MARK2: variants seen among roughly 807,000 people sequenced by gnomAD.
The protein encoded by MARK2 is microtubule affinity regulating kinase 2.
A neutral mutation model predicts 89.8 loss-of-function variants in MARK2; 16 were observed. That is an observed-to-expected ratio of 0.18 (90% CI 0.12 to 0.27). MARK2 has a LOEUF of 0.27. MARK2 is among the 10% of genes least tolerant of loss of function. The probability of loss-of-function intolerance (pLI) is 1.00; values close to 1 mark genes in which losing one functional copy is unlikely to be tolerated. For missense variants in MARK2, 621 were observed against 1,049.9 expected (o/e 0.59, Z 5.65); for synonymous variants, 382 against 399.5 (o/e 0.96, Z 0.52).
intron 1 of MARK2, among the ~76,000 whole-genome samples, chr11:63,863,377 C>T (rs201699797): frequency 2.0e-5 from 3 of 152,030 alleles, no homozygotes; most frequent in Non-Finnish European, 2.9e-5. Flanking sequence ...TGTCTAACTT[C>T]GGCAAGGGTG....
At position 63,898,680 on chromosome 11, in the gene MARK2, G is replaced by A. The variant is rs371333972; in HGVS notation, c.403+7G>A. ...ATGGAGTACGCTAGTGGCGGTAGGT[G>A]TGGAACTGCCTCTTCCTGTTGTGCC... On this transcript the variant is annotated splice_region_variant and intron_variant, in intron 5 of 18. Transcript: ENST00000402010. 39 of 1,613,368 alleles carry A rather than the reference G, an allele frequency of 2.4e-5. No homozygotes were observed. Among genetic ancestry groups the A allele is most frequent in the South Asian group, 3.3e-5 (3 of 91,078 alleles).
chr11:63,903,273 A>G lies in MARK2; in HGVS notation c.1514+115A>G, dbSNP rs1025566155. On this transcript the variant is annotated intron_variant, in intron 14 of 18. Transcript: ENST00000402010. This position sits in a 1 kb window ranked among gnomAD's most constrained non-coding sequence, Gnocchi z 5.1. The stretch of plus-strand genomic sequence containing the variant: ...CAGCGCATTGCTCCCTGCTCCCTGG[A>G]GTTCCATCCTGGCTGTGTCCAGTCC... 214 of 801,222 alleles carry G rather than the reference A, an allele frequency of 2.7e-4. 1 individual carries two copies. The highest frequency in any genetic ancestry group is 9.9e-4 in the Admixed American group (52 of 52,464). The allele number at this position is 801,222 out of a possible 1,614,324, so 49.6% of individuals were successfully genotyped here. A position where few individuals can be genotyped will look rare whatever the true frequency, so the allele number is the denominator to read the frequency against.
chr11:63,902,530 A>G lies in MARK2; in HGVS notation c.1235-71A>G. 6.7e-7 allele frequency: 1 copy of G among 1,481,608 alleles called. No individual in the cohort carries two copies. The highest frequency in any genetic ancestry group is 9.3e-7 in the Non-Finnish European group (1 of 1,077,806). 91.8% of individuals were successfully genotyped at this position (1,481,608 alleles called of 1,614,324 possible). Reference sequence around the variant, plus strand: ...GGGTTGTTGGCCAGCCCTGTAGGAAATGAGCATGCGTGGGGCTGGCACTCA... The same window carrying G: ...GGGTTGTTGGCCAGCCCTGTAGGAAGTGAGCATGCGTGGGGCTGGCACTCA... On this transcript the variant is annotated intron_variant, in intron 12 of 18. Transcript: ENST00000402010. The surrounding 1 kb of genome is among the most constrained non-coding windows in gnomAD (Gnocchi z 4.2).
Position 63,853,644 on chromosome 11 carries a change from A to G in MARK2, c.54+14084A>G, listed in dbSNP as rs909224282. On this transcript the variant is annotated intron_variant, in intron 1 of 18. Coordinates refer to ENST00000402010, the MANE Select transcript of MARK2 (RefSeq NM_001039469.3). ...CTTATCCTGGAACAACTTTATTTCC[A>G]TTTGCACCCTTGGTGCAGAAGCAGT... Among the ~76,000 whole-genome samples the G allele has an allele frequency of 5.9e-5, 9 of 152,298 alleles. No homozygotes were observed. In the South Asian group the frequency reaches 1.5e-3, roughly 25 times the overall value.
intron 1 of MARK2, among the ~76,000 whole-genome samples, chr11:63,887,633 G>A (rs1460213364): frequency 6.6e-6 from 1 of 152,214 alleles, no homozygotes; most frequent in Non-Finnish European, 1.5e-5. Context: ...CTTAATGAGA[G>A]GGAGCCTAGC....
rs200493130 is a variant in MARK2 at position 63,903,120 on chromosome 11, C to T, written c.1476C>T (p.Ala492=). The change falls in exon 14 of 19, where the codon GCC becomes GCT. Residue 492 remains alanine (A), a synonymous_variant. Coordinates refer to ENST00000402010, the MANE Select transcript of MARK2 (RefSeq NM_001039469.3). This position sits in a 1 kb window ranked among gnomAD's most constrained non-coding sequence, Gnocchi z 5.1. ...RSRNSPLLER[A]SLGQASIQNG... ...GGAATTCCCCACTTTTGGAGCGGGCCAGCCTCGGCCAGGCCTCCATCCAGA... is the reference window on the plus strand; with the variant it reads ...GGAATTCCCCACTTTTGGAGCGGGCTAGCCTCGGCCAGGCCTCCATCCAGA... 4 of 1,613,930 alleles carry T rather than the reference C, an allele frequency of 2.5e-6. No individual in the cohort carries two copies. The highest frequency in any genetic ancestry group is 3.4e-6 in the Non-Finnish European group (4 of 1,179,980).
At chr11:63,848,441 A>G (rs959520986) in intron 1 of MARK2, among the ~76,000 whole-genome samples, 8 of 152,104 alleles carry the variant, frequency 5.3e-5, no homozygotes, top group African/African-American at 1.9e-4. Context: ...GCTGGAGTAC[A>G]GTGGCACAAT....
rs1941064059 is a variant in MARK2 at position 63,903,421 on chromosome 11, C to T, written c.1514+263C>T. 1.4e-5 allele frequency: 7 copies of T among 487,934 alleles called. No homozygotes were observed. The highest frequency in any genetic ancestry group is 2.1e-5 in the South Asian group (1 of 48,630). 30.2% of individuals were successfully genotyped at this position (487,934 alleles called of 1,614,324 possible). A position where few individuals can be genotyped will look rare whatever the true frequency, so the allele number is the denominator to read the frequency against. On this transcript the variant is annotated intron_variant, in intron 14 of 18. Transcript: ENST00000402010. The surrounding 1 kb of genome is among the most constrained non-coding windows in gnomAD (Gnocchi z 5.1). ...CAGCTACATGCTCGCTTCTTGACCA[C>T]GGCCAGGGCATGGCAGCTGCCCTCC... is the stretch of plus-strand genomic sequence containing the variant.
intron 1 of MARK2, among the ~76,000 whole-genome samples, chr11:63,869,565 G>A (rs2135260776): frequency 6.6e-6 from 1 of 152,268 alleles, no homozygotes; most frequent in East Asian, 1.9e-4. Context: ...TAAATTGTGA[G>A]TAAATGAAGT....
intron 4 of MARK2, 127 bp from the exon 5 acceptor site, chr11:63,898,481 G>T: frequency 1.1e-6 from 1 of 905,124 alleles, no homozygotes; most frequent in Non-Finnish European, 1.8e-6. Context: ...AGAGGAACTT[G>T]TTCTTGGGAG....
intron 1 of MARK2, among the ~76,000 whole-genome samples, chr11:63,867,850 C>T (rs1282904554): frequency 1.3e-5 from 2 of 151,634 alleles, no homozygotes; most frequent in Middle Eastern, 3.2e-3. Flanking sequence ...CACTGTTCCT[C>T]TGAAAAAAAA....
chr11:63,897,140 C>T (rs537354270), intron 3 of MARK2, among the ~76,000 whole-genome samples: 19 of 152,328 alleles, frequency 1.2e-4, no homozygotes, highest in African/African-American at 4.3e-4. Context: ...ACCCCAAGTT[C>T]TCCCAGAAGA....
At position 63,899,095 on chromosome 11, in the gene MARK2, A is replaced by G. The variant is rs776661467; in HGVS notation, c.518A>G (p.His173Arg). The G allele has an allele frequency of 6.2e-7, 1 of 1,610,700 alleles. No individual in the cohort carries two copies. Among genetic ancestry groups the G allele is most frequent in the Non-Finnish European group, 8.5e-7 (1 of 1,177,790 alleles). The change falls in exon 7 of 19, where the codon CAT becomes CGT. Residue 173 changes from histidine to arginine, a missense_variant. By Grantham distance (29) the His-to-Arg change is conservative. Around this residue, in one of 5 missense-constraint regions of MARK2, gnomAD observed 82 missense variants for 287.7 expected, o/e 0.29. Coordinates refer to ENST00000402010, the MANE Select transcript of MARK2 (RefSeq NM_001039469.3). ...VQYCHQKFIV[H>R]RDLKAENLLL... Reference sequence around the variant, plus strand: ...TACTGTCACCAGAAGTTTATTGTCCATAGAGACTTAAAGGTAAGGCATGCA... The same window carrying G: ...TACTGTCACCAGAAGTTTATTGTCCGTAGAGACTTAAAGGTAAGGCATGCA...
chr11:63,866,351 CAAAA>C (rs57664174), intron 1 of MARK2, among the ~76,000 whole-genome samples: 2 of 86,092 alleles, frequency 2.3e-5, no homozygotes, highest in Non-Finnish European at 2.7e-5. Context: ...GACTCAGTCT[CAAAA>C]AAAAAAAAAA....
intron 3 of MARK2, among the ~76,000 whole-genome samples, chr11:63,898,013 A>G (rs1475692945): frequency 6.6e-6 from 1 of 152,136 alleles, no homozygotes; most frequent in African/African-American, 2.4e-5. Context: ...GCTCATCCTG[A>G]TGCCATCCCG....
chr11:63,891,953 G>A (rs1313739988), intron 1 of MARK2, among the ~76,000 whole-genome samples: 1 of 152,184 alleles, frequency 6.6e-6, no homozygotes, highest in African/African-American at 2.4e-5. Flanking sequence ...CAAGGGGTGT[G>A]AACCCTAGAG....
rs778837529 is a variant in MARK2, at chr11:63,900,495, A to C, written c.769-64A>C. 2 of 1,573,786 alleles carry C rather than the reference A, an allele frequency of 1.3e-6. No homozygotes were observed. The highest frequency in any genetic ancestry group is 1.7e-6 in the Non-Finnish European group (2 of 1,153,860). On this transcript the variant is annotated intron_variant, in intron 8 of 18. Coordinates refer to ENST00000402010, the MANE Select transcript of MARK2 (RefSeq NM_001039469.3). This position sits in a 1 kb window ranked among gnomAD's most constrained non-coding sequence, Gnocchi z 4.7. Reference sequence around the variant, plus strand: ...CAGGCTTAAGCTCTCAGGATCTTGGATATTAGGTTTCTTCCTTTGGCCTTG... The same window carrying C: ...CAGGCTTAAGCTCTCAGGATCTTGGCTATTAGGTTTCTTCCTTTGGCCTTG...
chr11:63,839,610 C>T lies in MARK2; in HGVS notation c.54+50C>T, dbSNP rs1302859220. 2.6e-6 allele frequency: 3 copies of T among 1,172,296 alleles called. No homozygotes were observed. In the South Asian group the frequency reaches 4.0e-5, roughly 16 times the overall value. 72.6% of individuals were successfully genotyped at this position (1,172,296 alleles called of 1,614,324 possible). ...AATTCTCTGGCTGGGCCCTTTGCAC[C>T]TTGCGGAGCCTCCTCCCTCTTCTGC... On this transcript the variant is annotated intron_variant, in intron 1 of 18. Transcript: ENST00000402010.
chr11:63,894,127 G>A (rs1940155235), intron 1 of MARK2, among the ~76,000 whole-genome samples: 1 of 152,186 alleles, frequency 6.6e-6, no homozygotes, highest in Admixed American at 6.5e-5. Context: ...TAATCGTTCA[G>A]TTCTTTCATT....
Sources: allele counts gnomAD v4.1 joint callset (sites outside exome capture counted in the v4.1 genomes callset), GRCh38; gene constraint gnomAD v4.1.1; regional missense constraint gnomAD v4.1.1; non-coding constraint Gnocchi (gnomAD v3.1); transcripts MANE v1.5; gene names NCBI Gene and HGNC (gene_info 2026-07-23, HGNC 2026-07-21).